Variants in PSEN1 observed in about 807,000 individuals in gnomAD.
PSEN1 encodes presenilin 1.
In PSEN1, 15 loss-of-function variants were observed where a neutral mutation model predicts 53.5. The observed-to-expected ratio is 0.28, with a 90% CI of 0.19 to 0.43. The LOEUF (loss-of-function observed/expected upper bound fraction) is 0.43. Ranked by LOEUF, PSEN1 falls within the 20% of genes least tolerant of loss-of-function variation. The pLI is 1.00. For missense variants in PSEN1, 387 were observed against 571.2 expected, an observed-to-expected ratio of 0.68 and a Z score of 3.29; for synonymous variants, 208 against 209.8, an observed-to-expected ratio of 0.99 and a Z score of 0.08.
Position 73,219,348 on chromosome 14 carries a change from A to T in PSEN1, c.*59A>T. On this transcript the variant is annotated 3_prime_UTR_variant, in exon 12 of 12. Transcript: ENST00000324501. ...TCTTTGACTATAACAAAATCTGGGG[A>T]GGACAAAGGTGATTTTCCTGTGTCC... 1 of 1,535,296 alleles carries T rather than the reference A, an allele frequency of 6.5e-7. No homozygotes were observed. The highest frequency in any genetic ancestry group is 1.7e-5 in the Admixed American group (1 of 59,890).
At position 73,192,872 on chromosome 14, in the gene PSEN1, C is replaced by T; in HGVS notation, c.769+8C>T. 1 of 1,589,984 alleles carries T rather than the reference C, an allele frequency of 6.3e-7. No individual in the cohort carries two copies. Among genetic ancestry groups the T allele is most frequent in the Non-Finnish European group, 8.6e-7 (1 of 1,158,396 alleles). ...CTGTGATTTCAGTATATGGTAAAAC[C>T]CAAGACTGATAATTTGTTTGTCACA... On this transcript the variant is annotated splice_region_variant and intron_variant, in intron 7 of 11. Coordinates refer to ENST00000324501, the MANE Select transcript of PSEN1 (RefSeq NM_000021.4).
chr14:73,212,203 C>T (rs772556547), intron 10 of PSEN1, among the ~76,000 whole-genome samples: 4 of 139,416 alleles, frequency 2.9e-5, no homozygotes, highest in East Asian at 2.2e-4. Flanking sequence ...CTCCACCTCC[C>T]GGGTTCAAGT....
At chr14:73,165,370 A>C (rs962909765) in intron 3 of PSEN1, among the ~76,000 whole-genome samples, 1 of 152,216 alleles carries the variant, frequency 6.6e-6, no homozygotes, top group African/African-American at 2.4e-5. Flanking sequence ...TCCTAGGCTC[A>C]AACGATTCTC....
chr14:73,202,646 G>A (rs1241254645), intron 8 of PSEN1, among the ~76,000 whole-genome samples: 2 of 149,554 alleles, frequency 1.3e-5, no homozygotes, highest in Non-Finnish European at 3.0e-5. Flanking sequence ...CTAATTTTTT[G>A]TATTTTTAGT....
At chr14:73,212,711 C>T (rs1899753123) in intron 10 of PSEN1, among the ~76,000 whole-genome samples, 1 of 152,112 alleles carries the variant, frequency 6.6e-6, no homozygotes, top group Non-Finnish European at 1.5e-5. Flanking sequence ...GATGTGTTGC[C>T]ACTTGATGGA....
intron 10 of PSEN1, among the ~76,000 whole-genome samples, chr14:73,212,818 G>C (rs1899758259): frequency 6.6e-6 from 1 of 152,206 alleles, no homozygotes; most frequent in African/African-American, 2.4e-5. Flanking sequence ...TAGAGATGTG[G>C]TTCATTGAAT....
At chr14:73,183,637 C>T (rs1418161283) in intron 5 of PSEN1, among the ~76,000 whole-genome samples, 2 of 152,100 alleles carry the variant, frequency 1.3e-5, no homozygotes, top group Non-Finnish European at 2.9e-5. Context: ...TCAACAGGAT[C>T]CCAAGGCAGA....
chr14:73,189,907 G>T, intron 6 of PSEN1: 1 of 176,834 alleles, frequency 5.7e-6, no homozygotes, highest in South Asian at 1.1e-4. Flanking sequence ...GGTGGGCACT[G>T]AGCAGTAGCA....
At chr14:73,192,541 T>C in intron 6 of PSEN1, 103 bp from the exon 7 acceptor site, 1 of 804,670 alleles carries the variant, frequency 1.2e-6, no homozygotes, top group South Asian at 1.4e-5. Flanking sequence ...ATTATAAAGG[T>C]GGGATATTAA....
intron 9 of PSEN1, among the ~76,000 whole-genome samples, chr14:73,208,242 C>T (rs2280791): frequency 0.25 from 37,500 of 152,162 alleles, 4,863 homozygotes; most frequent in East Asian, 0.42. Flanking sequence ...GTTTGTCTTA[C>T]GGTTCTTTCA....
chr14:73,156,512 CAA>C (rs995341937), intron 3 of PSEN1, among the ~76,000 whole-genome samples: 2 of 151,978 alleles, frequency 1.3e-5, no homozygotes, highest in Non-Finnish European at 2.9e-5. Context: ...AGATTTGCCT[CAA>C]AATAATACTG....
intron 3 of PSEN1, 38 bp from the exon 4 acceptor site, chr14:73,170,759 A>G (rs751800891): frequency 1.2e-6 from 2 of 1,611,476 alleles, no homozygotes; most frequent in Non-Finnish European, 1.7e-6. Context: ...TTCTGCTGAG[A>G]ATCTGATTTA....
chr14:73,209,554 T>C (rs763560607), intron 9 of PSEN1, among the ~76,000 whole-genome samples: 5 of 152,214 alleles, frequency 3.3e-5, no homozygotes, highest in Admixed American at 1.3e-4. Context: ...GATATAGCAC[T>C]GAACAAGATT....
At chr14:73,163,329 G>A (rs898585375) in intron 3 of PSEN1, among the ~76,000 whole-genome samples, 6 of 152,214 alleles carry the variant, frequency 3.9e-5, no homozygotes, top group Non-Finnish European at 8.8e-5. Flanking sequence ...TGTAATCCCA[G>A]CACTTCGGGA....
intron 6 of PSEN1, among the ~76,000 whole-genome samples, chr14:73,190,323 T>C (rs1488125572): frequency 1.3e-5 from 2 of 151,252 alleles, no homozygotes; most frequent in African/African-American, 2.4e-5. Flanking sequence ...ACTCCATCTC[T>C]ACAAAAAATA....
At chr14:73,155,770 C>T (rs67647403) in intron 3 of PSEN1, among the ~76,000 whole-genome samples, 25,421 of 152,078 alleles carry the variant, frequency 0.17, 2,822 homozygotes, top group East Asian at 0.43. Context: ...TCTCCCGTCT[C>T]GGCCTCCTGA....
intron 8 of PSEN1, among the ~76,000 whole-genome samples, chr14:73,200,027 G>A (rs373424819): frequency 6.6e-6 from 1 of 152,198 alleles, no homozygotes; most frequent in Non-Finnish European, 1.5e-5. Flanking sequence ...GATTATAGCT[G>A]TGAGCCACCA....
intron 3 of PSEN1, among the ~76,000 whole-genome samples, chr14:73,150,817 C>T (rs1897198565): frequency 6.7e-6 from 1 of 148,304 alleles, no homozygotes; most frequent in South Asian, 2.1e-4. Flanking sequence ...CGCCTGTAAT[C>T]CCAACACTTT....
At chr14:73,206,306 G>A in intron 8 of PSEN1, 80 bp from the exon 9 acceptor site, 1 of 965,498 alleles carries the variant, frequency 1.0e-6, no homozygotes, top group Non-Finnish European at 1.7e-6. Flanking sequence ...GGCGATTTGT[G>A]TGGAGAAATG....
Sources: gnomAD v4.1 joint callset for allele counts (sites outside exome capture counted in the v4.1 genomes callset) on GRCh38, gnomAD v4.1.1 for gene constraint, MANE v1.5 for transcripts, NCBI Gene and HGNC (gene_info 2026-07-23, HGNC 2026-07-21) for gene names.